PDE4D: variants seen among roughly 807,000 people sequenced by gnomAD.
PDE4D encodes phosphodiesterase 4D.
PDE4D carries 24 observed loss-of-function variants against 87.4 expected under a neutral mutation model. The observed-to-expected ratio is 0.27, with a 90% CI of 0.20 to 0.39. PDE4D has a LOEUF of 0.39. PDE4D is among the 10% of genes least tolerant of loss of function. The pLI, the probability that PDE4D is intolerant of heterozygous loss-of-function variation, is 1.00. For missense variants in PDE4D, 714 were observed against 1,041.0 expected (o/e 0.69, Z 4.32); for synonymous variants, 384 against 383.2 (o/e 1.00, Z -0.02).
At chr5:59,755,528 T>C (rs1761093430) in intron 1 of PDE4D, among the ~76,000 whole-genome samples, 1 of 152,140 alleles carries the variant, frequency 6.6e-6, no homozygotes, top group African/African-American at 2.4e-5. Context: ...TTCTTATTAG[T>C]AAGAAGGCTT....
chr5:60,076,930 A>T (rs1332105160), intron 2 of PDE4D, among the ~76,000 whole-genome samples: 3 of 152,136 alleles, frequency 2.0e-5, no homozygotes, highest in Non-Finnish European at 2.9e-5. Flanking sequence ...ACATGGCGAC[A>T]TGGCTTGGGG....
At chr5:59,812,191 G>A (rs1768431808) in intron 1 of PDE4D, among the ~76,000 whole-genome samples, 2 of 152,166 alleles carry the variant, frequency 1.3e-5, no homozygotes, top group South Asian at 4.1e-4. Flanking sequence ...CTCTAGTCTT[G>A]GAGGTGAATC....
chr5:59,239,833 T>A (rs1021307749), intron 1 of PDE4D, among the ~76,000 whole-genome samples: 4 of 152,092 alleles, frequency 2.6e-5, no homozygotes, highest in Non-Finnish European at 5.9e-5. Context: ...CTTCTTACCC[T>A]CTCTGAGCCT....
intron 1 of PDE4D, chr5:59,768,516 G>C (rs372156525): frequency 8.1e-6 from 13 of 1,597,898 alleles, no homozygotes; most frequent in Non-Finnish European, 1.0e-5. Flanking sequence ...CCATTTTCCT[G>C]GTCAACTTTG....
chr5:60,129,518 T>G (rs927299264), intron 2 of PDE4D, among the ~76,000 whole-genome samples: 2 of 152,190 alleles, frequency 1.3e-5, no homozygotes, highest in African/African-American at 4.8e-5. Context: ...CTCTCCCAGG[T>G]AGGACCAGCT....
At chr5:59,122,872 G>C (rs1328391068) in intron 5 of PDE4D, among the ~76,000 whole-genome samples, 1 of 152,020 alleles carries the variant, frequency 6.6e-6, no homozygotes, top group Non-Finnish European at 1.5e-5. Flanking sequence ...CAATGTATGG[G>C]AAGCCTTCAT....
intron 2 of PDE4D, 32 bp downstream of exon 2, chr5:59,215,744 GT>G (rs1751116473): frequency 6.3e-7 from 1 of 1,592,546 alleles, no homozygotes; most frequent in Non-Finnish European, 8.6e-7. Context: ...AATTTACTCG[GT>G]TTTCTCTCTC....
At chr5:60,461,255 G>A (rs1470074528) in intron 1 of PDE4D, among the ~76,000 whole-genome samples, 1 of 152,132 alleles carries the variant, frequency 6.6e-6, no homozygotes, top group African/African-American at 2.4e-5. Flanking sequence ...CACAGTTGGG[G>A]GGAATCCCTG....
intron 1 of PDE4D, among the ~76,000 whole-genome samples, chr5:59,459,861 A>G (rs563058276): frequency 6.6e-5 from 10 of 152,328 alleles, no homozygotes; most frequent in Non-Finnish European, 1.3e-4. Context: ...AAAATTTTAC[A>G]TGGCATCCCC....
chr5:59,728,689 A>G (rs1373383040), intron 1 of PDE4D, among the ~76,000 whole-genome samples: 1 of 152,108 alleles, frequency 6.6e-6, no homozygotes, highest in Non-Finnish European at 1.5e-5. Context: ...ACTATATGGC[A>G]CAATATAGTA....
At chr5:59,578,042 A>G (rs141694112) in intron 1 of PDE4D, among the ~76,000 whole-genome samples, 17 of 152,266 alleles carry the variant, frequency 1.1e-4, no homozygotes, top group African/African-American at 4.1e-4. Context: ...AAATTTTTGT[A>G]AAAGCAGGTT....
At chr5:60,229,823 T>C (rs1444812950) in intron 1 of PDE4D, among the ~76,000 whole-genome samples, 1 of 152,158 alleles carries the variant, frequency 6.6e-6, no homozygotes, top group Non-Finnish European at 1.5e-5. Context: ...CACTTGATTT[T>C]GAATACTTCC....
intron 1 of PDE4D, among the ~76,000 whole-genome samples, chr5:60,486,748 G>T (rs1357241983): frequency 6.6e-6 from 1 of 152,200 alleles, no homozygotes; most frequent in Non-Finnish European, 1.5e-5. Context: ...TGCCACAGGA[G>T]CCTGTGATTT....
intron 1 of PDE4D, among the ~76,000 whole-genome samples, chr5:59,799,187 C>A (rs557658655): frequency 1.3e-5 from 2 of 152,348 alleles, no homozygotes; most frequent in Admixed American, 1.3e-4. Context: ...CAAGTAACCA[C>A]ACCCCCAGCC....
At chr5:60,194,547 C>A (rs556967752) in intron 1 of PDE4D, among the ~76,000 whole-genome samples, 1 of 151,790 alleles carries the variant, frequency 6.6e-6, no homozygotes, top group Non-Finnish European at 1.5e-5. Context: ...ACCAATGAAT[C>A]AGAACTTTGA....
intron 5 of PDE4D, among the ~76,000 whole-genome samples, chr5:59,049,777 A>T (rs771361873): frequency 7.9e-5 from 12 of 152,238 alleles, no homozygotes; most frequent in Non-Finnish European, 1.8e-4. Flanking sequence ...AGTGAAGAAA[A>T]GAAAGCAATT....
intron 1 of PDE4D, among the ~76,000 whole-genome samples, chr5:60,285,971 A>G (rs528566328): frequency 6.6e-6 from 1 of 152,320 alleles, no homozygotes; most frequent in African/African-American, 2.4e-5. Context: ...AGGAAAGGGG[A>G]AAGGAACATT....
At position 59,424,998 on chromosome 5, in the gene PDE4D, A is replaced by G. The variant is rs551742113; in HGVS notation, c.456-209030T>C. Among the ~76,000 whole-genome samples, 7 of 152,328 alleles carry G rather than the reference A, an allele frequency of 4.6e-5. No individual in the cohort carries two copies. The East Asian group carries it at 5.8e-4, about 13-fold the overall frequency. On this transcript the variant is annotated intron_variant, in intron 1 of 14. Coordinates refer to ENST00000340635, the MANE Select transcript of PDE4D (RefSeq NM_001104631.2). Reference sequence around the variant, plus strand: ...GTTTATTACCTAGTCTGGAGCTACAATAATGTATTTGATCATTTATTCAGC... The same window carrying G: ...GTTTATTACCTAGTCTGGAGCTACAGTAATGTATTTGATCATTTATTCAGC...
In PDE4D at chr5:60,431,610, C is replaced by T. The variant is rs1299224963; in HGVS notation, c.-90+56332G>A. Among the ~76,000 whole-genome samples the T allele has an allele frequency of 1.1e-4, 16 of 151,562 alleles. 1 individual carries two copies. Among genetic ancestry groups the T allele is most frequent in the African/African-American group, 3.4e-4 (14 of 41,254 alleles). On this transcript the variant is annotated intron_variant, in intron 1 of 16. Transcript: ENST00000502484. ...CAGAGTGGGCAGCCAGGCAGAGGGG[C>T]TCCTCACGTCCCAGACGATGGGCGG...
Sources: gnomAD v4.1 joint callset for allele counts (sites outside exome capture counted in the v4.1 genomes callset) on GRCh38, gnomAD v4.1.1 for gene constraint, MANE v1.5 for transcripts, NCBI Gene and HGNC (gene_info 2026-07-23, HGNC 2026-07-21) for gene names.